The following ARHGEF18 variants were observed in gnomAD, a reference collection of about 807,000 sequenced individuals.
ARHGEF18 encodes Rho/Rac guanine nucleotide exchange factor 18, also known as rho guanine nucleotide exchange factor 18.
Under a neutral mutation model 155.7 loss-of-function variants are expected in ARHGEF18, and 93 were observed. The ratio of observed to expected loss-of-function variants is 0.60; its 90% confidence interval spans 0.50 to 0.71. ARHGEF18 has a LOEUF of 0.71. ARHGEF18 is among the 30% of genes least tolerant of loss of function. ARHGEF18 has a pLI of 0.00. For missense variants in ARHGEF18, 1,593 were observed against 1,816.1 expected, an observed-to-expected ratio of 0.88 and a Z score of 2.23; for synonymous variants, 742 against 753.1, an observed-to-expected ratio of 0.99 and a Z score of 0.24.
At chr19:7,453,046 A>G (rs1406542986) in intron 16 of ARHGEF18, among the ~76,000 whole-genome samples, 3 of 151,762 alleles carry the variant, frequency 2.0e-5, no homozygotes, top group Non-Finnish European at 4.4e-5. Context: ...AAATACCAAA[A>G]AAAATAGCTG....
At chr19:7,358,831 A>C (rs1038023118) in intron 1 of ARHGEF18, among the ~76,000 whole-genome samples, 2 of 152,198 alleles carry the variant, frequency 1.3e-5, no homozygotes, top group Non-Finnish European at 2.9e-5. Context: ...TGAAAAGTAC[A>C]TGATGGGCTT....
intron 2 of ARHGEF18, among the ~76,000 whole-genome samples, chr19:7,370,416 A>C (rs892931420): frequency 2.0e-5 from 3 of 152,016 alleles, no homozygotes; most frequent in Non-Finnish European, 4.4e-5. Context: ...GAATGGCGTG[A>C]ACCCGGGAGG....
intron 27 of ARHGEF18, among the ~76,000 whole-genome samples, chr19:7,469,390 AG>A (rs1427872957): frequency 1.3e-5 from 2 of 152,298 alleles, no homozygotes; most frequent in East Asian, 3.9e-4. Context: ...AGCCTTAGAA[AG>A]GGACACGGGC....
chr19:7,454,043 G>A (rs752456706), intron 17 of ARHGEF18, among the ~76,000 whole-genome samples: 1 of 151,658 alleles, frequency 6.6e-6, no homozygotes, highest in Non-Finnish European at 1.5e-5. Context: ...AGAGTGATGG[G>A]TGCCATCTTG....
chr19:7,369,023 T>C (rs1048693232), intron 2 of ARHGEF18, among the ~76,000 whole-genome samples: 4 of 151,966 alleles, frequency 2.6e-5, no homozygotes, highest in Non-Finnish European at 2.9e-5. Context: ...GCAGAGTGAG[T>C]CCTTAGGAAG....
intron 16 of ARHGEF18, 137 bp downstream of exon 16, chr19:7,451,403 C>CT: frequency 3.8e-6 from 2 of 526,258 alleles, no homozygotes; most frequent in Admixed American, 4.1e-5. Context: ...GGGGTTCCTT[C>CT]CTTTTTTTTT....
chr19:7,362,140 A>G (rs1250134546), intron 1 of ARHGEF18, among the ~76,000 whole-genome samples: 4 of 36,798 alleles, frequency 1.1e-4, no homozygotes, highest in African/African-American at 9.3e-4. Context: ...GGAGAAGGAG[A>G]AGGAGAAGGA....
intron 13 of ARHGEF18, among the ~76,000 whole-genome samples, chr19:7,443,096 T>C (rs1600461270): frequency 7.2e-6 from 1 of 139,338 alleles, no homozygotes; most frequent in South Asian, 2.3e-4. Context: ...GGAGTCTCGC[T>C]CTGTCGCCCA....
intron 15 of ARHGEF18, among the ~76,000 whole-genome samples, chr19:7,450,576 C>CAG (rs1568347610): frequency 3.8e-5 from 1 of 26,320 alleles, no homozygotes; most frequent in African/African-American, 1.3e-4. Flanking sequence ...GTGTGAATGT[C>CAG]GATCTTGCTT....
In ARHGEF18 at chr19:7,462,101, T is replaced by G. The variant is rs1419849655; in HGVS notation, c.2453-51T>G. On this transcript the variant is annotated intron_variant, in intron 20 of 28. Coordinates refer to ENST00000668164, the MANE Select transcript of ARHGEF18 (RefSeq NM_001367823.1). The surrounding 1 kb of genome is among the most constrained non-coding windows in gnomAD (Gnocchi z 4.4). ...AGGCCAGTCCCCGGGGCTCAGATGA[T>G]TCCAGGGAAGGCCGACCCGGCTGAC... 3.1e-6 allele frequency: 5 copies of G among 1,611,094 alleles called. No individual in the cohort carries two copies. The highest frequency in any genetic ancestry group is 4.2e-6 in the Non-Finnish European group (5 of 1,178,386).
At position 7,362,854 on chromosome 19, in the gene ARHGEF18, A is replaced by G. The variant is rs1969687639; in HGVS notation, c.-37A>G. ...CTTCAGCCACCAAGAGCAGCAGTGGATCCTGGAAACCTGAGAACCCAGACT... is the reference window on the plus strand; with the variant it reads ...CTTCAGCCACCAAGAGCAGCAGTGGGTCCTGGAAACCTGAGAACCCAGACT... On this transcript the variant is annotated 5_prime_UTR_variant, in exon 2 of 29. Transcript: ENST00000668164. The G allele has an allele frequency of 2.4e-6, 3 of 1,234,170 alleles. No individual in the cohort carries two copies. The African/African-American group carries it at 4.7e-5, about 19-fold the overall frequency. 76.5% of individuals were successfully genotyped at this position (1,234,170 alleles called of 1,614,324 possible).
At chr19:7,358,705 C>A (rs1207799185) in intron 1 of ARHGEF18, among the ~76,000 whole-genome samples, 1 of 152,192 alleles carries the variant, frequency 6.6e-6, no homozygotes, top group Non-Finnish European at 1.5e-5. Context: ...GAATTTGACT[C>A]CCAGCTCTAC....
Position 7,472,447 on chromosome 19 carries a change from C to A in ARHGEF18, c.*2149C>A, listed in dbSNP as rs748170731. The stretch of plus-strand genomic sequence containing the variant: ...TTCTGACCCGCTTTAGAACTTAAGA[C>A]CTGATTCTAGCAATAAACGTGTCCG... On this transcript the variant is annotated 3_prime_UTR_variant, in exon 29 of 29. Coordinates refer to ENST00000668164, the MANE Select transcript of ARHGEF18 (RefSeq NM_001367823.1). 3 of 158,898 alleles carry A rather than the reference C, an allele frequency of 1.9e-5. No individual in the cohort carries two copies. Among genetic ancestry groups the A allele is most frequent in the African/African-American group, 4.8e-5 (2 of 41,484 alleles). The allele number at this position is 158,898 out of a possible 1,614,324, so 9.8% of individuals were successfully genotyped here.
At chr19:7,422,426 T>G (rs1366199318) in intron 10 of ARHGEF18, among the ~76,000 whole-genome samples, 1 of 145,340 alleles carries the variant, frequency 6.9e-6, no homozygotes, top group East Asian at 2.3e-4. Flanking sequence ...CCCCTGTTAA[T>G]GGCTCTGCCC....
At chr19:7,460,362 C>G (rs1348086974) in intron 20 of ARHGEF18, among the ~76,000 whole-genome samples, 1 of 152,168 alleles carries the variant, frequency 6.6e-6, no homozygotes. Flanking sequence ...CAGCCTCCTT[C>G]CAGAGCTTCC....
chr19:7,401,671 ACAGG>A (rs1251932083), intron 10 of ARHGEF18, among the ~76,000 whole-genome samples: 1 of 152,190 alleles, frequency 6.6e-6, no homozygotes, highest in Non-Finnish European at 1.5e-5. Context: ...GCCTTGGGAA[ACAGG>A]CAGTTCCTCC....
At chr19:7,473,075 GC>G (rs1390144341), downstream of ARHGEF18, 1 of 456,104 alleles carries the variant, frequency 2.2e-6, no homozygotes, top group Non-Finnish European at 4.4e-6. Context: ...AAATCTTTTT[GC>G]TTTTAATCCA....
chr19:7,380,934 G>A lies in ARHGEF18; in HGVS notation c.662G>A (p.Cys221Tyr), dbSNP rs536249774. Residue 221 changes from cysteine to tyrosine, a missense_variant, in exon 8 of 29, where the codon TGC (cysteine) becomes TAC (tyrosine). By Grantham distance (194) the Cys-to-Tyr change is radical (BLOSUM62 -2). Transcript: ENST00000668164. ...RQYHGARQRA[C>Y]MSASPGGAHS... Reference sequence around the variant, plus strand: ...TCCTGCAGGGCCCGGCAGAGGGCTTGCATGTCAGCCAGCCCCGGAGGAGCC... The same window carrying A: ...TCCTGCAGGGCCCGGCAGAGGGCTTACATGTCAGCCAGCCCCGGAGGAGCC... 6,673 of 1,231,988 alleles carry A rather than the reference G, an allele frequency of 5.4e-3. 25 individuals carry two copies. Among genetic ancestry groups the A allele is most frequent in the Non-Finnish European group, 6.1e-3 (5,988 of 987,944 alleles). 76.3% of individuals were successfully genotyped at this position (1,231,988 alleles called of 1,614,324 possible). A position where few individuals can be genotyped will look rare whatever the true frequency, so the allele number is the denominator to read the frequency against.
chr19:7,368,021 G>A (rs984996658), intron 2 of ARHGEF18, among the ~76,000 whole-genome samples: 28 of 98,032 alleles, frequency 2.9e-4, no homozygotes, highest in African/African-American at 8.3e-4. Flanking sequence ...GAGGGAGGGC[G>A]GAAGGAAGGA....
Sources: allele counts gnomAD v4.1 joint callset (sites outside exome capture counted in the v4.1 genomes callset), GRCh38; gene constraint gnomAD v4.1.1; non-coding constraint Gnocchi (gnomAD v3.1); transcripts MANE v1.5; gene names NCBI Gene and HGNC (gene_info 2026-07-23, HGNC 2026-07-21).